The following SELENOF variants were observed in gnomAD, a reference collection of about 807,000 sequenced individuals.
The protein encoded by SELENOF is 15 kDa selenoprotein.
In SELENOF, 16 loss-of-function variants were observed where a neutral mutation model predicts 20.5. The observed-to-expected ratio is 0.78, with a 90% confidence interval of 0.53 to 1.19. SELENOF has a LOEUF of 1.19. SELENOF is among the 50% of genes most tolerant of loss of function. The pLI is 0.00. For synonymous variants in SELENOF, 78 were observed against 74.5 expected (o/e 1.05, Z -0.24); for missense variants, 215 against 194.2 (o/e 1.11, Z -0.64).
At chr1:86,882,462 A>C (rs1362983480) in intron 2 of SELENOF, among the ~76,000 whole-genome samples, 1 of 151,068 alleles carries the variant, frequency 6.6e-6, no homozygotes, top group Non-Finnish European at 1.5e-5. Flanking sequence ...CCACAATGAG[A>C]TCCCACTTCA....
intron 2 of SELENOF, among the ~76,000 whole-genome samples, chr1:86,884,464 T>C (rs1488033525): frequency 6.6e-6 from 1 of 151,816 alleles, no homozygotes; most frequent in Non-Finnish European, 1.5e-5. Flanking sequence ...TCATGGCGAA[T>C]AAATAACTTA....
At chr1:86,894,017 C>A (rs1474548492) in intron 2 of SELENOF, among the ~76,000 whole-genome samples, 1 of 152,130 alleles carries the variant, frequency 6.6e-6, no homozygotes, top group Non-Finnish European at 1.5e-5. Context: ...TAAGTGAAAA[C>A]AAAAGGCTTT....
Position 86,889,548 on chromosome 1 carries a change from C to T in SELENOF, c.253-8823G>A, listed in dbSNP as rs923466185. Among the ~76,000 whole-genome samples, 8 of 152,050 alleles carry T rather than the reference C, an allele frequency of 5.3e-5. No homozygotes were observed. The East Asian group carries it at 7.7e-4, about 15-fold the overall frequency. On this transcript the variant is annotated intron_variant, in intron 2 of 4. Coordinates refer to ENST00000331835, the MANE Select transcript of SELENOF (RefSeq NM_004261.5). ...GGTGGAGGTAGTAGTGAGCTGAGAT[C>T]GCGTCACTGCACTCCAGTCTGGGCG...
chr1:86,883,840 A>G (rs536066243), intron 2 of SELENOF, among the ~76,000 whole-genome samples: 188 of 152,342 alleles, frequency 1.2e-3, no homozygotes, highest in Non-Finnish European at 2.5e-3. Context: ...AGGACTCAGT[A>G]TCTTACCACA....
chr1:86,876,947 C>T (rs1658937062), intron 3 of SELENOF, among the ~76,000 whole-genome samples: 1 of 152,102 alleles, frequency 6.6e-6, no homozygotes, highest in African/African-American at 2.4e-5. Flanking sequence ...CAGAATATTG[C>T]ATATGAGAAA....
chr1:86,875,374 C>T (rs1195211395), intron 3 of SELENOF, among the ~76,000 whole-genome samples: 1 of 152,018 alleles, frequency 6.6e-6, no homozygotes, highest in African/African-American at 2.4e-5. Flanking sequence ...TGTAGGAAGA[C>T]TGGAGGTACA....
chr1:86,895,966 G>A (rs919368591), intron 2 of SELENOF, among the ~76,000 whole-genome samples: 13 of 152,140 alleles, frequency 8.5e-5, no homozygotes, highest in African/African-American at 2.7e-4. Context: ...GGTGGCTCAC[G>A]CCTGTAATCC....
chr1:86,913,030 A>G (rs1431771222), intron 1 of SELENOF, among the ~76,000 whole-genome samples: 1 of 152,204 alleles, frequency 6.6e-6, no homozygotes, highest in Admixed American at 6.5e-5. Context: ...TGCCTGAATA[A>G]CAAGATAATT....
chr1:86,872,532 C>G (rs1658802533), intron 3 of SELENOF, among the ~76,000 whole-genome samples: 1 of 146,162 alleles, frequency 6.8e-6, no homozygotes, highest in South Asian at 2.1e-4. Flanking sequence ...CAACGCCCAG[C>G]TAATGTTTTT....
rs371610731 is a variant in SELENOF at position 86,901,185 on chromosome 1, A to C, written c.252+2096T>G. 3.3e-5 allele frequency among the ~76,000 whole-genome samples: 5 copies of C among 152,346 alleles called. No individual in the cohort carries two copies. In the East Asian group the frequency reaches 7.7e-4, roughly 23 times the overall value. On this transcript the variant is annotated intron_variant, in intron 2 of 4. Transcript: ENST00000331835. ...GACAACTAAATTAAACTGTGATTTT[A>C]AATTAAGCCTTAAGCCAGAGTTGAG...
intron 2 of SELENOF, among the ~76,000 whole-genome samples, chr1:86,895,939 G>T (rs943923254): frequency 3.3e-5 from 5 of 152,122 alleles, no homozygotes; most frequent in African/African-American, 1.2e-4. Context: ...AGAAATAGTG[G>T]GATATAGGCC....
intron 3 of SELENOF, among the ~76,000 whole-genome samples, chr1:86,868,735 C>T (rs1658677703): frequency 6.6e-6 from 1 of 151,926 alleles, no homozygotes; most frequent in African/African-American, 2.4e-5. Flanking sequence ...CCAAAGCCTA[C>T]AGCACAGAGA....
intron 3 of SELENOF, among the ~76,000 whole-genome samples, chr1:86,880,052 G>A (rs537338780): frequency 6.6e-6 from 1 of 151,968 alleles, no homozygotes; most frequent in Non-Finnish European, 1.5e-5. Flanking sequence ...TCTTGGAAAG[G>A]CTCCTGCAAA....
At chr1:86,866,276 T>C (rs900281335) in intron 4 of SELENOF, among the ~76,000 whole-genome samples, 1 of 127,338 alleles carries the variant, frequency 7.9e-6, no homozygotes. Context: ...AGTGGAATAC[T>C]ATGCATTCTT....
At chr1:86,883,823 G>C (rs1264178363) in intron 2 of SELENOF, among the ~76,000 whole-genome samples, 1 of 152,106 alleles carries the variant, frequency 6.6e-6, no homozygotes, top group Non-Finnish European at 1.5e-5. Context: ...GTTGTCTCAA[G>C]GGCTCAAGGA....
chr1:86,869,535 T>C (rs1658699701), intron 3 of SELENOF, among the ~76,000 whole-genome samples: 2 of 152,102 alleles, frequency 1.3e-5, no homozygotes, highest in African/African-American at 4.8e-5. Flanking sequence ...GTTCAAAAAA[T>C]GTTTACTGTT....
chr1:86,900,293 G>A (rs1331105208), intron 2 of SELENOF, among the ~76,000 whole-genome samples: 4 of 152,070 alleles, frequency 2.6e-5, no homozygotes. Flanking sequence ...TCCAGCCTGG[G>A]CACCATTGAG....
At chr1:86,909,234 T>C (rs1659912069) in intron 1 of SELENOF, among the ~76,000 whole-genome samples, 1 of 152,260 alleles carries the variant, frequency 6.6e-6, no homozygotes, top group Non-Finnish European at 1.5e-5. Flanking sequence ...AGTTTCCAAC[T>C]TCTTACTGTT....
At chr1:86,871,277 C>T (rs1342579797) in intron 3 of SELENOF, among the ~76,000 whole-genome samples, 4 of 152,026 alleles carry the variant, frequency 2.6e-5, no homozygotes, top group African/African-American at 4.8e-5. Flanking sequence ...AAAACAATGT[C>T]GTTAATTTAA....
Sources: allele counts gnomAD v4.1 joint callset (sites outside exome capture counted in the v4.1 genomes callset), GRCh38; gene constraint gnomAD v4.1.1; transcripts MANE v1.5; gene names NCBI Gene and HGNC (gene_info 2026-07-23, HGNC 2026-07-21).